SHROOM3: variants seen among roughly 807,000 people sequenced by gnomAD.
SHROOM3 encodes protein Shroom3.
Under a neutral mutation model 138.6 loss-of-function variants are expected in SHROOM3, and 47 were observed. That is an observed-to-expected ratio of 0.34 (90% confidence interval 0.27 to 0.43). The LOEUF is 0.43. Among genes scored for constraint, SHROOM3 ranks in the 20% least tolerant of loss-of-function variants. SHROOM3 has a pLI of 1.00. For synonymous variants in SHROOM3, 1,062 were observed against 1,063.3 expected (o/e 1.00, Z 0.02); for missense variants, 2,491 against 2,596.5 (o/e 0.96, Z 0.88).
chr4:76,488,948 T>C (rs1406166162), intron 1 of SHROOM3, among the ~76,000 whole-genome samples: 2 of 152,202 alleles, frequency 1.3e-5, no homozygotes, highest in Non-Finnish European at 2.9e-5. Context: ...TGAGCCCAGG[T>C]GGTCTAGTTC....
rs115514162 is a variant in SHROOM3 at position 76,456,572 on chromosome 4, A to G, written c.168+20352A>G. ...CTAAGGAAATAATTGCTCAATAGAT[A>G]TGTACAAGTATGTTTAGCTATATAT... On this transcript the variant is annotated intron_variant, in intron 1 of 10. Coordinates refer to ENST00000296043, the MANE Select transcript of SHROOM3 (RefSeq NM_020859.4). Among the ~76,000 whole-genome samples the G allele has an allele frequency of 4.9e-3, 740 of 152,342 alleles. 6 individuals are homozygous for G. The highest frequency in any genetic ancestry group is 0.017 in the African/African-American group (716 of 41,570).
At chr4:76,473,205 A>G (rs896091615) in intron 1 of SHROOM3, among the ~76,000 whole-genome samples, 3 of 152,242 alleles carry the variant, frequency 2.0e-5, no homozygotes, top group African/African-American at 4.8e-5. Flanking sequence ...GCTTCAAAGG[A>G]TACTATTGAG....
intron 2 of SHROOM3, among the ~76,000 whole-genome samples, chr4:76,678,181 T>C (rs974084145): frequency 4.6e-5 from 7 of 152,208 alleles, no homozygotes; most frequent in Admixed American, 2.0e-4. Context: ...AGGCCAGCAC[T>C]TCAAGTCCAA....
intron 2 of SHROOM3, among the ~76,000 whole-genome samples, chr4:76,704,461 A>T (rs1719992551): frequency 6.6e-6 from 1 of 152,224 alleles, no homozygotes; most frequent in Non-Finnish European, 1.5e-5. Context: ...GTCTCCGAGG[A>T]GGTGATGTTC....
chr4:76,669,730 C>T (rs1041962502), intron 2 of SHROOM3, among the ~76,000 whole-genome samples: 8 of 151,978 alleles, frequency 5.3e-5, no homozygotes, highest in Non-Finnish European at 1.0e-4. Context: ...TGGGATGTTA[C>T]ATGAATTTCT....
intron 2 of SHROOM3, among the ~76,000 whole-genome samples, chr4:76,659,768 G>C (rs1270919804): frequency 6.6e-6 from 1 of 152,128 alleles, no homozygotes; most frequent in Non-Finnish European, 1.5e-5. Flanking sequence ...TTTTAGTAGA[G>C]ATGGGGTTTT....
chr4:76,448,107 G>A (rs1406344627), intron 1 of SHROOM3, among the ~76,000 whole-genome samples: 1 of 152,138 alleles, frequency 6.6e-6, no homozygotes, highest in Non-Finnish European at 1.5e-5. Flanking sequence ...TCAGTCTGCT[G>A]TGGGTCAGGT....
chr4:76,477,818 A>T (rs1413138949), intron 1 of SHROOM3, among the ~76,000 whole-genome samples: 1 of 152,146 alleles, frequency 6.6e-6, no homozygotes. Flanking sequence ...GGTGCAGCCC[A>T]TGGAGGGTGA....
intron 9 of SHROOM3, among the ~76,000 whole-genome samples, chr4:76,760,113 CTT>C (rs911292133): frequency 3.3e-5 from 5 of 152,100 alleles, no homozygotes; most frequent in African/African-American, 9.7e-5. Context: ...AATCTAGAAA[CTT>C]TTTTTAGGGA....
At position 76,435,604 on chromosome 4, in the gene SHROOM3, T is replaced by A. The variant is rs1017820554; in HGVS notation, c.-449T>A. The A allele has an allele frequency of 6.5e-6, 1 of 152,680 alleles. No homozygotes were observed. The highest frequency in any genetic ancestry group is 1.5e-5 in the Non-Finnish European group (1 of 68,424). The allele number at this position is 152,680 out of a possible 1,614,324, so 9.5% of individuals were successfully genotyped here. ...TCCGAGAGGAAGAAAGGGTTGATAA[T>A]CAATCAAAAATGAGGTATTCCTTTG... is the stretch of plus-strand genomic sequence containing the variant. On this transcript the variant is annotated 5_prime_UTR_variant, in exon 1 of 11. Transcript: ENST00000296043.
At chr4:76,651,257 G>A (rs893612950) in intron 2 of SHROOM3, among the ~76,000 whole-genome samples, 1 of 151,494 alleles carries the variant, frequency 6.6e-6, no homozygotes, top group African/African-American at 2.4e-5. Context: ...TAACTTAATC[G>A]TGTATTTTAA....
rs577258675 is a variant in SHROOM3 at position 76,664,696 on chromosome 4, T to C, written c.324-45460T>C. 2.6e-5 allele frequency among the ~76,000 whole-genome samples: 4 copies of C among 152,322 alleles called. No individual in the cohort carries two copies. The highest frequency in any genetic ancestry group is 9.6e-5 in the African/African-American group (4 of 41,574). On this transcript the variant is annotated intron_variant, in intron 2 of 10. Coordinates refer to ENST00000296043, the MANE Select transcript of SHROOM3 (RefSeq NM_020859.4). The surrounding 1 kb of genome is among the most constrained non-coding windows in gnomAD (Gnocchi z 4.2). ...GTCATCTTAACCAGTTTTAAGTGTA[T>C]AGGTCAATAATGTTAAGTGTATAGT... is the stretch of plus-strand genomic sequence containing the variant.
In SHROOM3 at chr4:76,439,564, A is replaced by C. The variant is rs1730627481; in HGVS notation, c.168+3344A>C. ...TGGTGGCTGATCATGCGTATACTAG[A>C]TCTTCTCTCTAAGACAATGAAAGAA... On this transcript the variant is annotated intron_variant, in intron 1 of 10. Transcript: ENST00000296043. Among the ~76,000 whole-genome samples the C allele has an allele frequency of 2.6e-5, 4 of 152,164 alleles. No homozygotes were observed. The South Asian group carries it at 8.3e-4, about 32-fold the overall frequency.
chr4:76,734,964 G>T (rs1329048640), intron 4 of SHROOM3, among the ~76,000 whole-genome samples: 1 of 152,156 alleles, frequency 6.6e-6, no homozygotes, highest in Non-Finnish European at 1.5e-5. Flanking sequence ...AGTAAGCCAG[G>T]TGAAGAGCAC....
In SHROOM3 at chr4:76,781,019, A is replaced by AAT. The variant is rs1560628849; in HGVS notation, c.*1843_*1844dup. 6.6e-6 allele frequency: 1 copy of AAT among 152,174 alleles called. No homozygotes were observed. The highest frequency in any genetic ancestry group is 1.5e-5 in the Non-Finnish European group (1 of 68,036). 9.4% of individuals were successfully genotyped at this position (152,174 alleles called of 1,614,324 possible). A position where few individuals can be genotyped will look rare whatever the true frequency, so the allele number is the denominator to read the frequency against. ...AAACGTCTACAGTTATTCTTAGTGA[A>AAT]ATTCCTCAGAGGAATCCAGGGGGCT... On this transcript the variant is annotated 3_prime_UTR_variant, in exon 11 of 11. Transcript: ENST00000296043.
intron 2 of SHROOM3, among the ~76,000 whole-genome samples, chr4:76,608,374 C>T (rs35124922): frequency 0.071 from 10,858 of 152,226 alleles, 467 homozygotes; most frequent in South Asian, 0.097. Context: ...ATCAACTCAT[C>T]TTAATGAAGC....
chr4:76,561,801 G>T lies in SHROOM3; in HGVS notation c.323+6038G>T, dbSNP rs189587999. 6.6e-3 allele frequency among the ~76,000 whole-genome samples: 1,005 copies of T among 151,940 alleles called. 48 individuals are homozygous for T. Among genetic ancestry groups the T allele is most frequent in the Admixed American group, 0.062 (944 of 15,252 alleles). Reference sequence around the variant, plus strand: ...AAGGCAGGCAGGTCACCTGAGGTCAGGAGTTCGAGACCAGCCTGGCTAACA... The same window carrying T: ...AAGGCAGGCAGGTCACCTGAGGTCATGAGTTCGAGACCAGCCTGGCTAACA... On this transcript the variant is annotated intron_variant, in intron 2 of 10. Transcript: ENST00000296043.
intron 2 of SHROOM3, among the ~76,000 whole-genome samples, chr4:76,666,694 T>A (rs912087643): frequency 2.0e-5 from 3 of 152,160 alleles, no homozygotes; most frequent in African/African-American, 7.2e-5. Context: ...AGATGTATGA[T>A]AAAGATCTTT....
intron 1 of SHROOM3, among the ~76,000 whole-genome samples, chr4:76,511,974 T>G (rs1732347511): frequency 6.6e-6 from 1 of 152,098 alleles, no homozygotes; most frequent in African/African-American, 2.4e-5. Context: ...AGGGGCCTAG[T>G]TGAGACACAG....
Sources: allele counts gnomAD v4.1 joint callset (sites outside exome capture counted in the v4.1 genomes callset), GRCh38; gene constraint gnomAD v4.1.1; non-coding constraint Gnocchi (gnomAD v3.1); transcripts MANE v1.5; gene names NCBI Gene and HGNC (gene_info 2026-07-23, HGNC 2026-07-21).